The following NBAS variants were observed in gnomAD, a reference collection of about 807,000 sequenced individuals.
The protein encoded by NBAS is NBAS subunit of NRZ tethering complex, also known as NAG/BC035112 fusion.
NBAS carries 219 observed loss-of-function variants against 302.5 expected under a neutral mutation model. The ratio of observed to expected loss-of-function variants is 0.72; its 90% CI spans 0.65 to 0.81. The LOEUF is 0.81. NBAS is among the 30% of genes least tolerant of loss of function. The pLI, the probability that NBAS is intolerant of heterozygous loss-of-function variation, is 0.00. For missense variants in NBAS, 2,932 were observed against 2,841.6 expected, an observed-to-expected ratio of 1.03 and a Z score of -0.72; for synonymous variants, 1,118 against 1,021.6, an observed-to-expected ratio of 1.09 and a Z score of -1.80.
At chr2:14,878,156 T>C in the NBAS span, among the ~76,000 whole-genome samples, 1 of 152,192 alleles carries the variant, frequency 6.6e-6, no homozygotes, top group East Asian at 1.9e-4. Context: ...AATCCTGCCT[T>C]ATTGCCTACT....
chr2:14,942,440 C>G, the NBAS span, among the ~76,000 whole-genome samples: 1 of 152,134 alleles, frequency 6.6e-6, no homozygotes, highest in African/African-American at 2.4e-5. Flanking sequence ...TCTTTTCTTC[C>G]TGCTCCAGCC....
At chr2:14,879,140 A>C in the NBAS span, among the ~76,000 whole-genome samples, 1 of 152,182 alleles carries the variant, frequency 6.6e-6, no homozygotes, top group Non-Finnish European at 1.5e-5. Flanking sequence ...TTTATAGTTC[A>C]TTTCTTCTTA....
intron 44 of NBAS, among the ~76,000 whole-genome samples, chr2:15,248,322 A>G (rs529811659): frequency 1.3e-5 from 2 of 152,344 alleles, no homozygotes; most frequent in East Asian, 1.9e-4. Context: ...AGGGAAATTT[A>G]TAACACTAAA....
the NBAS span, among the ~76,000 whole-genome samples, chr2:14,871,760 G>A: frequency 6.6e-6 from 1 of 151,992 alleles, no homozygotes; most frequent in African/African-American, 2.4e-5. Context: ...TTAAAATATT[G>A]TGATAATATA....
intron 1 of NBAS, among the ~76,000 whole-genome samples, chr2:15,560,164 G>A (rs1664843845): frequency 1.3e-5 from 2 of 152,018 alleles, no homozygotes; most frequent in African/African-American, 4.8e-5. Flanking sequence ...TTTTCGATCT[G>A]GCTGCTTCCT....
At chr2:15,177,155 C>G (rs146927495) in intron 51 of NBAS, among the ~76,000 whole-genome samples, 35 of 152,278 alleles carry the variant, frequency 2.3e-4, no homozygotes, top group Admixed American at 1.6e-3. Flanking sequence ...AGGGCACAGA[C>G]GTTTCGTGCG....
the NBAS span, among the ~76,000 whole-genome samples, chr2:15,152,150 G>A: frequency 1.3e-5 from 2 of 152,134 alleles, no homozygotes; most frequent in Non-Finnish European, 2.9e-5. Flanking sequence ...ACACCCAAGA[G>A]TCTTAAATGT....
chr2:14,948,992 A>G, the NBAS span, among the ~76,000 whole-genome samples: 1 of 152,194 alleles, frequency 6.6e-6, no homozygotes. Context: ...TACAATGGTA[A>G]AAGAACAGGC....
chr2:15,319,263 C>A lies in NBAS; in HGVS notation c.4582+8487G>T, dbSNP rs56377250. 8.1e-3 allele frequency among the ~76,000 whole-genome samples: 1,231 copies of A among 152,068 alleles called. 22 individuals are homozygous for A. The highest frequency in any genetic ancestry group is 0.028 in the African/African-American group (1,173 of 41,492). ...CATTTAAAGCAGTGTGTAGAGGGAACTTTATAGCACTAAATGCCCACAAGA... is the reference window on the plus strand; with the variant it reads ...CATTTAAAGCAGTGTGTAGAGGGAAATTTATAGCACTAAATGCCCACAAGA... On this transcript the variant is annotated intron_variant, in intron 38 of 51. Transcript: ENST00000281513.
chr2:15,000,293 C>T, the NBAS span, among the ~76,000 whole-genome samples: 1 of 152,180 alleles, frequency 6.6e-6, no homozygotes, highest in Admixed American at 6.5e-5. Context: ...CAAAAGCCAA[C>T]CACTTAGAAT....
At chr2:15,431,365 G>A (rs1438312621) in intron 21 of NBAS, among the ~76,000 whole-genome samples, 1 of 151,974 alleles carries the variant, frequency 6.6e-6, no homozygotes, top group Non-Finnish European at 1.5e-5. Context: ...CAAACTTTAG[G>A]CATTTGAAGT....
chr2:15,338,523 C>A (rs576262439), intron 35 of NBAS, among the ~76,000 whole-genome samples: 5 of 152,294 alleles, frequency 3.3e-5, no homozygotes, highest in Middle Eastern at 3.4e-3. Context: ...TCTGCTTCAT[C>A]TCATCTGCCA....
At chr2:15,346,812 T>C (rs985449953) in intron 35 of NBAS, among the ~76,000 whole-genome samples, 7 of 152,226 alleles carry the variant, frequency 4.6e-5, no homozygotes, top group South Asian at 2.1e-4. Context: ...CATGGAATAC[T>C]ATGCAGCCAT....
chr2:15,168,978 T>G (rs1446944133), intron 51 of NBAS, among the ~76,000 whole-genome samples: 1 of 152,262 alleles, frequency 6.6e-6, no homozygotes, highest in African/African-American at 2.4e-5. Context: ...GGGAAATTCT[T>G]GAAGGCACAG....
the NBAS span, among the ~76,000 whole-genome samples, chr2:14,959,326 T>C: frequency 6.6e-6 from 1 of 152,172 alleles, no homozygotes; most frequent in African/African-American, 2.4e-5. Context: ...GTATTAACCC[T>C]CTGGAGGCAT....
chr2:15,360,330 T>TAAAAAAA (rs551926742), intron 32 of NBAS, among the ~76,000 whole-genome samples: 1 of 92,960 alleles, frequency 1.1e-5, no homozygotes, highest in African/African-American at 3.0e-5. Context: ...TACCATAACT[T>TAAAAAAA]AAAAAAAAAA....
At chr2:15,119,718 G>A in the NBAS span, among the ~76,000 whole-genome samples, 5 of 152,168 alleles carry the variant, frequency 3.3e-5, no homozygotes, top group African/African-American at 4.8e-5. Flanking sequence ...AGGGCAGGAT[G>A]GAAGGAGAGC....
the NBAS span, among the ~76,000 whole-genome samples, chr2:15,061,041 A>G: frequency 2.6e-5 from 4 of 151,926 alleles, no homozygotes; most frequent in Non-Finnish European, 4.4e-5. Flanking sequence ...AAAAACAAAG[A>G]GAAGCCTTAA....
chr2:15,213,482 T>C (rs1666513882), intron 48 of NBAS, among the ~76,000 whole-genome samples: 1 of 152,218 alleles, frequency 6.6e-6, no homozygotes, highest in Non-Finnish European at 1.5e-5. Flanking sequence ...AAAGTCATAG[T>C]GGGAAGAGGA....
Sources: allele counts gnomAD v4.1 joint callset (sites outside exome capture counted in the v4.1 genomes callset), GRCh38; gene constraint gnomAD v4.1.1; transcripts MANE v1.5; gene names NCBI Gene and HGNC (gene_info 2026-07-23, HGNC 2026-07-21).